Variants in DDAH1 observed in about 807,000 individuals in gnomAD.
DDAH1 encodes dimethylarginine dimethylaminohydrolase 1.
In DDAH1, 19 loss-of-function variants were observed where a neutral mutation model predicts 28.8. That is an observed-to-expected ratio of 0.66 (90% CI 0.46 to 0.97). The LOEUF is 0.97. Ranked by LOEUF, DDAH1 falls within the 50% of genes least tolerant of loss-of-function variation. The pLI, the probability that DDAH1 is intolerant of heterozygous loss-of-function variation, is 0.00. For missense variants in DDAH1, 326 were observed against 375.9 expected, an observed-to-expected ratio of 0.87 and a Z score of 1.10; for synonymous variants, 153 against 154.4, an observed-to-expected ratio of 0.99 and a Z score of 0.07.
At chr1:85,493,444 A>G (rs930317080) in intron 2 of DDAH1, 1 of 152,202 alleles carries the variant, frequency 6.6e-6, no homozygotes, top group African/African-American at 2.4e-5. Context: ...TCTGAAGCCA[A>G]CTATTGAAGT....
At chr1:85,348,294 G>GT (rs1196202934) in intron 4 of DDAH1, among the ~76,000 whole-genome samples, 1 of 152,118 alleles carries the variant, frequency 6.6e-6, no homozygotes, top group Non-Finnish European at 1.5e-5. Context: ...AGGGCTTGGG[G>GT]TTTTTTTCCT....
chr1:85,504,565 C>T (rs1459008599), intron 1 of DDAH1, among the ~76,000 whole-genome samples: 1 of 152,176 alleles, frequency 6.6e-6, no homozygotes, highest in Non-Finnish European at 1.5e-5. Context: ...ATGATTGTCA[C>T]ATATTTGCTG....
chr1:85,405,633 T>TAAAAAAAA (rs11394406), intron 1 of DDAH1, among the ~76,000 whole-genome samples: 1 of 148,834 alleles, frequency 6.7e-6, no homozygotes. Context: ...AAAAGTGCCC[T>TAAAAAAAA]AAAAAAAAAA....
At chr1:85,349,719 C>T (rs1223726696) in intron 4 of DDAH1, among the ~76,000 whole-genome samples, 3 of 152,186 alleles carry the variant, frequency 2.0e-5, no homozygotes, top group Non-Finnish European at 2.9e-5. Flanking sequence ...AAAACAGACA[C>T]AGTCTTTATC....
At chr1:85,349,818 CTTT>C (rs1649094985) in intron 4 of DDAH1, among the ~76,000 whole-genome samples, 1 of 152,198 alleles carries the variant, frequency 6.6e-6, no homozygotes, top group Non-Finnish European at 1.5e-5. Flanking sequence ...AGGTCATCTT[CTTT>C]ATCAATGACT....
intron 1 of DDAH1, among the ~76,000 whole-genome samples, chr1:85,572,386 ATT>A (rs1236000715): frequency 2.6e-5 from 4 of 152,234 alleles, no homozygotes; most frequent in African/African-American, 9.6e-5. Context: ...TTTAAGGCAG[ATT>A]TCATGAAGGA....
chr1:85,331,446 T>C (rs911202837), intron 4 of DDAH1, among the ~76,000 whole-genome samples: 9 of 151,662 alleles, frequency 5.9e-5, no homozygotes, highest in African/African-American at 9.7e-5. Context: ...TATAACATAA[T>C]GTACCCATCT....
intron 1 of DDAH1, among the ~76,000 whole-genome samples, chr1:85,524,079 T>G (rs1224576888): frequency 4.6e-5 from 7 of 151,952 alleles, no homozygotes; most frequent in African/African-American, 1.7e-4. Context: ...AGTACTTTTT[T>G]TTTCCCCAGC....
intron 1 of DDAH1, among the ~76,000 whole-genome samples, chr1:85,364,941 T>G (rs1235783109): frequency 6.6e-6 from 1 of 152,182 alleles, no homozygotes; most frequent in Non-Finnish European, 1.5e-5. Flanking sequence ...AATTTCTAAA[T>G]AAAAACATAT....
At chr1:85,487,695 C>T (rs890835605) in intron 2 of DDAH1, among the ~76,000 whole-genome samples, 1 of 152,176 alleles carries the variant, frequency 6.6e-6, no homozygotes, top group Admixed American at 6.5e-5. Context: ...CTCCTTTCCT[C>T]CCTTATTCTC....
At chr1:85,446,751 G>C (rs1390057217) in intron 1 of DDAH1, among the ~76,000 whole-genome samples, 3 of 151,854 alleles carry the variant, frequency 2.0e-5, no homozygotes, top group Non-Finnish European at 4.4e-5. Context: ...ATATGGCTTA[G>C]TGTCATGGAG....
chr1:85,415,681 G>C (rs1453080495), intron 1 of DDAH1, among the ~76,000 whole-genome samples: 7 of 152,108 alleles, frequency 4.6e-5, no homozygotes, highest in Admixed American at 4.6e-4. Flanking sequence ...TATTTGGGGG[G>C]AAATAGACAA....
At chr1:85,568,489 A>G (rs1478930302) in intron 1 of DDAH1, among the ~76,000 whole-genome samples, 1 of 152,152 alleles carries the variant, frequency 6.6e-6, no homozygotes, top group African/African-American at 2.4e-5. Flanking sequence ...AACACTATAC[A>G]ACAGAAACCT....
chr1:85,469,716 C>T (rs1655553162), upstream of DDAH1, among the ~76,000 whole-genome samples: 1 of 152,164 alleles, frequency 6.6e-6, no homozygotes, highest in African/African-American at 2.4e-5. Context: ...GACCAAATCT[C>T]ACCCACAAGT....
chr1:85,550,390 C>T (rs1658750895), intron 1 of DDAH1, among the ~76,000 whole-genome samples: 1 of 152,172 alleles, frequency 6.6e-6, no homozygotes, highest in African/African-American at 2.4e-5. Flanking sequence ...TGTGCCCACT[C>T]CAAAGGCCCC....
chr1:85,414,019 T>C (rs1652775037), intron 1 of DDAH1, among the ~76,000 whole-genome samples: 1 of 152,264 alleles, frequency 6.6e-6, no homozygotes, highest in African/African-American at 2.4e-5. Context: ...ATTTATTGTA[T>C]GCTTAACATG....
intron 1 of DDAH1, among the ~76,000 whole-genome samples, chr1:85,529,937 T>TC (rs1557730231): frequency 7.0e-6 from 1 of 143,182 alleles, no homozygotes; most frequent in African/African-American, 2.6e-5. Context: ...GGAGCTTACT[T>TC]CCCGGGCCCT....
At chr1:85,524,644 A>T (rs1408569514) in intron 1 of DDAH1, among the ~76,000 whole-genome samples, 3 of 152,090 alleles carry the variant, frequency 2.0e-5, no homozygotes, top group African/African-American at 4.8e-5. Context: ...CTCCAATTCC[A>T]TCTCACCCTT....
chr1:85,522,904 A>T (rs1254641337), intron 1 of DDAH1, among the ~76,000 whole-genome samples: 4 of 150,682 alleles, frequency 2.7e-5, no homozygotes. Flanking sequence ...TTCAGCAAAC[A>T]TTATGAGACA....
Sources: allele counts gnomAD v4.1 joint callset (sites outside exome capture counted in the v4.1 genomes callset), GRCh38; gene constraint gnomAD v4.1.1; transcripts MANE v1.5; gene names NCBI Gene and HGNC (gene_info 2026-07-23, HGNC 2026-07-21).